KCNQ5: variants seen among roughly 807,000 people sequenced by gnomAD.
KCNQ5 encodes the protein potassium voltage-gated channel subfamily Q member 5, also known as potassium voltage-gated channel subfamily KQT member 5.
Under a neutral mutation model 98.2 loss-of-function variants are expected in KCNQ5, and 30 were observed. The observed-to-expected ratio is 0.31, with a 90% CI of 0.23 to 0.41. KCNQ5 has a LOEUF of 0.41. Among genes scored for constraint, KCNQ5 ranks in the 10% least tolerant of loss-of-function variants. The pLI is 1.00. For synonymous variants in KCNQ5, 458 were observed against 449.4 expected (o/e 1.02, Z -0.24); for missense variants, 835 against 1,182.5 (o/e 0.71, Z 4.31).
chr6:72,751,524 T>G (rs932929263), intron 1 of KCNQ5, among the ~76,000 whole-genome samples: 2 of 152,056 alleles, frequency 1.3e-5, no homozygotes, highest in African/African-American at 4.8e-5. Flanking sequence ...AATACAAAAA[T>G]CATCAAATAC....
intron 1 of KCNQ5, among the ~76,000 whole-genome samples, chr6:72,661,846 G>A (rs1463931071): frequency 6.6e-6 from 1 of 152,110 alleles, no homozygotes; most frequent in Non-Finnish European, 1.5e-5. Context: ...TGCATTTACA[G>A]CATCTCATCA....
chr6:72,655,296 A>G (rs530390389), intron 1 of KCNQ5, among the ~76,000 whole-genome samples: 1 of 152,144 alleles, frequency 6.6e-6, no homozygotes, highest in East Asian at 1.9e-4. Context: ...AAATCAGCAA[A>G]TATGTATTGA....
intron 5 of KCNQ5, among the ~76,000 whole-genome samples, chr6:73,094,273 T>C (rs900715074): frequency 6.6e-6 from 1 of 152,202 alleles, no homozygotes. Context: ...CACCTTTACC[T>C]TAAGTTTGTG....
intron 6 of KCNQ5, among the ~76,000 whole-genome samples, chr6:73,109,460 T>C (rs1775136222): frequency 6.6e-6 from 1 of 152,216 alleles, no homozygotes; most frequent in Admixed American, 6.5e-5. Flanking sequence ...TATAAATATA[T>C]GCCAGAAATT....
intron 1 of KCNQ5, among the ~76,000 whole-genome samples, chr6:72,862,372 G>C (rs1777801752): frequency 6.6e-6 from 1 of 152,200 alleles, no homozygotes; most frequent in South Asian, 2.1e-4. Flanking sequence ...ACTAAGAGCT[G>C]AAGAGGGAGG....
intron 1 of KCNQ5, among the ~76,000 whole-genome samples, chr6:72,883,043 A>C (rs917627921): frequency 4.6e-5 from 7 of 152,214 alleles, no homozygotes; most frequent in Non-Finnish European, 1.0e-4. Flanking sequence ...TCACAGGCCT[A>C]AGATCCATCA....
At chr6:72,909,535 T>G (rs1294588440) in intron 1 of KCNQ5, among the ~76,000 whole-genome samples, 5 of 152,088 alleles carry the variant, frequency 3.3e-5, no homozygotes, top group Non-Finnish European at 4.4e-5. Context: ...GTGGTTTAGG[T>G]GGGGAGACAG....
At chr6:72,939,248 C>T (rs898987304) in intron 1 of KCNQ5, among the ~76,000 whole-genome samples, 12 of 152,096 alleles carry the variant, frequency 7.9e-5, no homozygotes, top group East Asian at 1.9e-4. Flanking sequence ...GCAGGGCTCC[C>T]GGGTCATCAC....
intron 1 of KCNQ5, among the ~76,000 whole-genome samples, chr6:72,689,371 G>A (rs1346667324): frequency 3.3e-5 from 5 of 152,186 alleles, no homozygotes; most frequent in Admixed American, 6.5e-5. Context: ...AGCATTCTTC[G>A]ATCTCAAGCA....
rs149556809 is a variant in KCNQ5 at position 73,126,541 on chromosome 6, T to C, written c.1247+2029T>C. 9.7e-3 allele frequency among the ~76,000 whole-genome samples: 1,475 copies of C among 152,350 alleles called. 28 individuals carry two copies. Among genetic ancestry groups the C allele is most frequent in the African/African-American group, 0.034 (1,410 of 41,574 alleles). ...CTACCAACCAAATTTTCCACATTTA[T>C]GATGTTCGCATATATCTACGACATT... On this transcript the variant is annotated intron_variant, in intron 9 of 13. Transcript: ENST00000370398.
chr6:72,929,977 G>C (rs560162244), intron 1 of KCNQ5, among the ~76,000 whole-genome samples: 1 of 152,098 alleles, frequency 6.6e-6, no homozygotes, highest in Non-Finnish European at 1.5e-5. Flanking sequence ...AGGAAGCTTA[G>C]TGTAAGATTT....
chr6:72,808,909 A>G (rs1359231770), intron 1 of KCNQ5, among the ~76,000 whole-genome samples: 1 of 152,048 alleles, frequency 6.6e-6, no homozygotes, highest in African/African-American at 2.4e-5. Context: ...CCAAAGGATT[A>G]TAAATCATGC....
chr6:72,885,453 T>C (rs1778811867), intron 1 of KCNQ5, among the ~76,000 whole-genome samples: 1 of 152,138 alleles, frequency 6.6e-6, no homozygotes, highest in Admixed American at 6.6e-5. Flanking sequence ...AGTGAGACAC[T>C]CTCTCTAAAA....
chr6:72,824,083 G>C (rs1209560812), intron 1 of KCNQ5, among the ~76,000 whole-genome samples: 1 of 151,898 alleles, frequency 6.6e-6, no homozygotes, highest in Non-Finnish European at 1.5e-5. Flanking sequence ...AGGACTACTA[G>C]ATTCCAGTAA....
At chr6:72,624,984 GTAAC>G (rs996814321) in intron 1 of KCNQ5, among the ~76,000 whole-genome samples, 12 of 152,308 alleles carry the variant, frequency 7.9e-5, no homozygotes, top group African/African-American at 1.7e-4. Flanking sequence ...CGAGAGAGGT[GTAAC>G]TAACTAATTC....
chr6:72,984,101 G>A (rs955052969), intron 1 of KCNQ5, among the ~76,000 whole-genome samples: 13 of 152,136 alleles, frequency 8.5e-5, no homozygotes, highest in African/African-American at 2.4e-4. Context: ...GAGGGGCATC[G>A]GGCTGTATGA....
intron 1 of KCNQ5, chr6:72,987,820 A>AG (rs1340295234): frequency 5.5e-6 from 2 of 366,464 alleles, no homozygotes; most frequent in South Asian, 3.4e-5. Flanking sequence ...GGAGATTACA[A>AG]GTTTTTTTTG....
chr6:73,034,860 T>TTTTTTA (rs1562139229), intron 2 of KCNQ5, among the ~76,000 whole-genome samples: 16 of 127,342 alleles, frequency 1.3e-4, no homozygotes, highest in African/African-American at 1.9e-4. Flanking sequence ...TTTTTTTTTT[T>TTTTTTA]TTTGAGACAG....
intron 1 of KCNQ5, among the ~76,000 whole-genome samples, chr6:72,900,641 T>C (rs952963419): frequency 2.6e-5 from 4 of 151,526 alleles, no homozygotes; most frequent in African/African-American, 9.7e-5. Context: ...TTTCGCATAA[T>C]GACTCCTTTT....
Sources: allele counts gnomAD v4.1 joint callset (sites outside exome capture counted in the v4.1 genomes callset), GRCh38; gene constraint gnomAD v4.1.1; transcripts MANE v1.5; gene names NCBI Gene and HGNC (gene_info 2026-07-23, HGNC 2026-07-21).